CSMD1: variants seen among roughly 807,000 people sequenced by gnomAD.
CSMD1 encodes the protein CUB and sushi domain-containing protein 1.
Under a neutral mutation model 417.5 loss-of-function variants are expected in CSMD1, and 213 were observed. The ratio of observed to expected loss-of-function variants is 0.51; its 90% CI spans 0.46 to 0.57. The LOEUF (loss-of-function observed/expected upper bound fraction) is 0.57. Among genes scored for constraint, CSMD1 ranks in the 20% least tolerant of loss-of-function variants. The pLI is 0.00. For synonymous variants in CSMD1, 2,862 were observed against 1,736.8 expected (o/e 1.65, Z -16.11); for missense variants, 6,923 against 4,529.7 (o/e 1.53, Z -15.17).
intron 3 of CSMD1, among the ~76,000 whole-genome samples, chr8:4,097,398 C>G (rs775880731): frequency 1.4e-4 from 21 of 152,300 alleles, no homozygotes; most frequent in Admixed American, 3.9e-4. Context: ...AAGAATTAAA[C>G]AGACCACACA....
In CSMD1 at chr8:4,876,143, C is replaced by T. The variant is rs77400566; in HGVS notation, c.85+118189G>A. 1.7e-4 allele frequency among the ~76,000 whole-genome samples: 26 copies of T among 152,118 alleles called. No individual in the cohort carries two copies. The East Asian group carries it at 5.0e-3, about 29-fold the overall frequency. On this transcript the variant is annotated intron_variant, in intron 1 of 69. Transcript: ENST00000635120. Reference sequence around the variant, plus strand: ...TGAACAATGGTAAAATTAAGGAATACAAATGACTGCTTAGTCTATTTCCCT... The same window carrying T: ...TGAACAATGGTAAAATTAAGGAATATAAATGACTGCTTAGTCTATTTCCCT...
intron 3 of CSMD1, among the ~76,000 whole-genome samples, chr8:4,282,517 G>A (rs148064309): frequency 3.9e-5 from 6 of 152,248 alleles, no homozygotes; most frequent in East Asian, 3.9e-4. Flanking sequence ...TAAGCTTTGC[G>A]TTTGTAAAGC....
intron 32 of CSMD1, among the ~76,000 whole-genome samples, chr8:3,200,507 A>C (rs1585635906): frequency 6.6e-6 from 1 of 152,092 alleles, no homozygotes; most frequent in East Asian, 1.9e-4. Context: ...GTGAGCCGAG[A>C]TGGTGCCACT....
chr8:3,321,489 G>A, intron 23 of CSMD1, among the ~76,000 whole-genome samples: 1 of 152,096 alleles, frequency 6.6e-6, no homozygotes, highest in East Asian at 1.9e-4. Context: ...AATGACAGGT[G>A]CTCTGCGTGT....
chr8:4,194,667 A>T (rs548296137), intron 3 of CSMD1, among the ~76,000 whole-genome samples: 9 of 152,300 alleles, frequency 5.9e-5, no homozygotes, highest in African/African-American at 2.2e-4. Flanking sequence ...ACATTTAATA[A>T]AATGGGGAAA....
chr8:3,880,985 G>C (rs1238201519), intron 5 of CSMD1, among the ~76,000 whole-genome samples: 1 of 152,050 alleles, frequency 6.6e-6, no homozygotes, highest in South Asian at 2.1e-4. Context: ...ACTAGCAAAG[G>C]CAAATGAAGA....
At chr8:4,587,614 A>C (rs957055932) in intron 2 of CSMD1, among the ~76,000 whole-genome samples, 14 of 152,264 alleles carry the variant, frequency 9.2e-5, no homozygotes, top group African/African-American at 3.4e-4. Flanking sequence ...CTTACAAATA[A>C]TTGTACTCAG....
At chr8:3,297,225 G>C (rs374954452) in intron 25 of CSMD1, among the ~76,000 whole-genome samples, 1 of 152,302 alleles carries the variant, frequency 6.6e-6, no homozygotes, top group East Asian at 1.9e-4. Context: ...AGAAAGTTCA[G>C]TATTATAAAA....
At chr8:3,942,377 C>A (rs1810941677) in intron 5 of CSMD1, among the ~76,000 whole-genome samples, 1 of 152,132 alleles carries the variant, frequency 6.6e-6, no homozygotes, top group South Asian at 2.1e-4. Context: ...GCTACCTTAA[C>A]CCAAGCACCT....
intron 27 of CSMD1, among the ~76,000 whole-genome samples, chr8:3,228,322 G>A (rs1009597418): frequency 6.6e-6 from 1 of 152,164 alleles, no homozygotes. Flanking sequence ...GCCCTAATGG[G>A]CAAGCTTCTT....
At chr8:3,538,919 G>C (rs1478941046) in intron 10 of CSMD1, among the ~76,000 whole-genome samples, 1 of 152,188 alleles carries the variant, frequency 6.6e-6, no homozygotes, top group Non-Finnish European at 1.5e-5. Flanking sequence ...GCTGCACACA[G>C]CCGCCAGAGC....
chr8:4,114,971 GACA>G (rs1802056045), intron 3 of CSMD1, among the ~76,000 whole-genome samples: 1 of 152,146 alleles, frequency 6.6e-6, no homozygotes, highest in Non-Finnish European at 1.5e-5. Flanking sequence ...TTGTTGAAAT[GACA>G]ACAAAATATC....
At chr8:3,775,916 G>C (rs931415031) in intron 5 of CSMD1, among the ~76,000 whole-genome samples, 12 of 152,176 alleles carry the variant, frequency 7.9e-5, no homozygotes, top group African/African-American at 2.9e-4. Flanking sequence ...AGCTCCTCCA[G>C]TCTCATGGAT....
At chr8:3,141,408 G>C (rs911934292) in intron 41 of CSMD1, among the ~76,000 whole-genome samples, 4 of 152,180 alleles carry the variant, frequency 2.6e-5, no homozygotes, top group African/African-American at 9.7e-5. Context: ...GTTTGACTCT[G>C]AAACAAAATT....
intron 2 of CSMD1, among the ~76,000 whole-genome samples, chr8:4,453,936 C>A (rs984154980): frequency 6.7e-6 from 1 of 149,812 alleles, no homozygotes; most frequent in East Asian, 2.0e-4. Context: ...ATTCTCCTGC[C>A]TCAGCCTCCC....
intron 26 of CSMD1, among the ~76,000 whole-genome samples, chr8:3,275,379 C>A (rs13270963): frequency 0.28 from 42,535 of 151,766 alleles, 6,225 homozygotes; most frequent in African/African-American, 0.36. Flanking sequence ...CTTCATTTCA[C>A]CTTTGGTGAA....
intron 11 of CSMD1, among the ~76,000 whole-genome samples, chr8:3,487,395 G>A (rs1397710050): frequency 1.3e-5 from 2 of 152,062 alleles, no homozygotes; most frequent in Admixed American, 1.3e-4. Context: ...TAGAGACAGG[G>A]TTTCACCATG....
At chr8:4,069,415 T>C (rs1216079382) in intron 3 of CSMD1, among the ~76,000 whole-genome samples, 1 of 152,228 alleles carries the variant, frequency 6.6e-6, no homozygotes, top group Non-Finnish European at 1.5e-5. Context: ...GAGTTTTCCA[T>C]GAGCATCTAT....
chr8:3,044,555 C>T (rs1016066873), intron 50 of CSMD1, among the ~76,000 whole-genome samples: 5 of 152,078 alleles, frequency 3.3e-5, no homozygotes, highest in African/African-American at 1.2e-4. Context: ...ATACCAATAG[C>T]CCTCACTTCT....
Sources: allele counts gnomAD v4.1 joint callset (sites outside exome capture counted in the v4.1 genomes callset), GRCh38; gene constraint gnomAD v4.1.1; transcripts MANE v1.5; gene names NCBI Gene and HGNC (gene_info 2026-07-23, HGNC 2026-07-21).